Variants in FAF1 observed in about 807,000 individuals in gnomAD.
FAF1 encodes the protein Fas associated factor 1, also known as FAS-associated factor 1.
A neutral mutation model predicts 92.5 loss-of-function variants in FAF1; 25 were observed. The observed-to-expected ratio is 0.27, with a 90% CI of 0.20 to 0.38. The LOEUF (loss-of-function observed/expected upper bound fraction) is 0.38. Among genes scored for constraint, FAF1 ranks in the 10% least tolerant of loss-of-function variants. FAF1 has a pLI of 1.00. For synonymous variants in FAF1, 234 were observed against 273.2 expected (o/e 0.86, Z 1.42); for missense variants, 636 against 793.3 (o/e 0.80, Z 2.38).
At chr1:50,683,269 G>T (rs1656505894) in intron 7 of FAF1, among the ~76,000 whole-genome samples, 1 of 151,832 alleles carries the variant, frequency 6.6e-6, no homozygotes, top group Non-Finnish European at 1.5e-5. Flanking sequence ...GCTCACGCCT[G>T]TAATCCCAGC....
chr1:50,819,638 TCACACACACA>T (rs375892280), intron 2 of FAF1, among the ~76,000 whole-genome samples: 4 of 97,822 alleles, frequency 4.1e-5, no homozygotes, highest in Admixed American at 1.2e-4. Flanking sequence ...ACTGACTCAC[TCACACACACA>T]CACACACACA....
chr1:50,678,903 T>C (rs1448094969), intron 7 of FAF1, among the ~76,000 whole-genome samples: 1 of 148,354 alleles, frequency 6.7e-6, no homozygotes, highest in African/African-American at 2.5e-5. Flanking sequence ...CTGGCTAACA[T>C]GGTGAAACCC....
intron 8 of FAF1, among the ~76,000 whole-genome samples, chr1:50,649,675 C>T (rs915859358): frequency 6.6e-6 from 1 of 151,500 alleles, no homozygotes; most frequent in African/African-American, 2.4e-5. Flanking sequence ...GGGCACAGTG[C>T]CTCATGCCTG....
Position 50,596,138 on chromosome 1 carries a change from G to A in FAF1, c.823C>T (p.Arg275Trp), listed in dbSNP as rs148072719. ...VGRRSSPAQT[R>W]EQSEEQITDV... The stretch of plus-strand genomic sequence containing the variant: ...AGGCTTACTTCTTCCGACTGTTCCC[G>A]GGTCTGTGCAGGTGAAGATCTTCTT... The change falls in exon 9 of 19, where the codon CGG becomes TGG. Residue 275 changes from arginine (R) to tryptophan (W), a missense_variant. Coordinates refer to ENST00000396153, the MANE Select transcript of FAF1 (RefSeq NM_007051.3). 4,122 of 1,613,542 alleles carry A rather than the reference G, an allele frequency of 2.6e-3. 15 individuals are homozygous for A. The highest frequency in any genetic ancestry group is 2.8e-3 in the Non-Finnish European group (3,295 of 1,179,584).
At chr1:50,880,788 A>G (rs1186827400) in intron 1 of FAF1, among the ~76,000 whole-genome samples, 1 of 152,260 alleles carries the variant, frequency 6.6e-6, no homozygotes, top group African/African-American at 2.4e-5. Flanking sequence ...CAAAAAGAGA[A>G]TAAGTTTGAC....
intron 15 of FAF1, among the ~76,000 whole-genome samples, chr1:50,517,938 A>C (rs368823532): frequency 6.6e-6 from 1 of 152,350 alleles, no homozygotes; most frequent in African/African-American, 2.4e-5. Flanking sequence ...AAGTCCATTA[A>C]ATAAACTTAC....
chr1:50,840,496 A>G lies in FAF1; in HGVS notation c.114+17433T>C, dbSNP rs143181568. ...AGATGGCCAATAAGAACACAGGAAG[A>G]TTTATAAGGAATCTTTCTGTGACAA... On this transcript the variant is annotated intron_variant, in intron 2 of 18. Transcript: ENST00000396153. Among the ~76,000 whole-genome samples the G allele has an allele frequency of 5.6e-4, 85 of 152,162 alleles. 1 individual carries two copies. The East Asian group carries it at 0.015, about 27-fold the overall frequency.
chr1:50,860,341 T>A (rs1644422271), intron 1 of FAF1, among the ~76,000 whole-genome samples: 2 of 151,896 alleles, frequency 1.3e-5, no homozygotes, highest in African/African-American at 4.8e-5. Flanking sequence ...GGATAAAATA[T>A]TCACAAACTA....
At chr1:50,754,266 A>C (rs1659988136) in intron 4 of FAF1, among the ~76,000 whole-genome samples, 1 of 152,202 alleles carries the variant, frequency 6.6e-6, no homozygotes, top group Non-Finnish European at 1.5e-5. Context: ...CAGTTATGTT[A>C]CTTAGACACA....
At chr1:50,955,616 T>A (rs527540233) in intron 1 of FAF1, among the ~76,000 whole-genome samples, 1 of 152,224 alleles carries the variant, frequency 6.6e-6, no homozygotes, top group African/African-American at 2.4e-5. Context: ...GACTATGTGA[T>A]CCAGCAATTT....
intron 2 of FAF1, among the ~76,000 whole-genome samples, chr1:50,821,406 G>A (rs1644042047): frequency 6.6e-6 from 1 of 152,076 alleles, no homozygotes; most frequent in Admixed American, 6.5e-5. Context: ...ATAGTTTTTA[G>A]CATACATATT....
Position 50,959,944 on chromosome 1 carries a change from G to T in FAF1, c.-133C>A, listed in dbSNP as rs982165978. On this transcript the variant is annotated 5_prime_UTR_variant, in exon 1 of 19. Transcript: ENST00000396153. Reference sequence around the variant, plus strand: ...GGGGCTGGCGGGCGAGCCGGCGGGCGGGTCGGCGGGCCAGCGGGCGGGGCA... The same window carrying T: ...GGGGCTGGCGGGCGAGCCGGCGGGCTGGTCGGCGGGCCAGCGGGCGGGGCA... 2.4e-6 allele frequency: 1 copy of T among 416,196 alleles called. No individual in the cohort carries two copies. The highest frequency in any genetic ancestry group is 1.1e-4 in the South Asian group (1 of 9,424). 25.8% of individuals were successfully genotyped at this position (416,196 alleles called of 1,614,324 possible). A position where few individuals can be genotyped will look rare whatever the true frequency, so the allele number is the denominator to read the frequency against.
chr1:50,726,605 G>A (rs916961321), intron 6 of FAF1, among the ~76,000 whole-genome samples: 36 of 152,042 alleles, frequency 2.4e-4, no homozygotes, highest in African/African-American at 6.3e-4. Context: ...TGAGGTGGGC[G>A]GATCACAAGG....
chr1:50,467,841 TA>T (rs1557957312), intron 18 of FAF1, among the ~76,000 whole-genome samples: 1 of 152,090 alleles, frequency 6.6e-6, no homozygotes, highest in African/African-American at 2.4e-5. Context: ...TCTCACCTTT[TA>T]AAAAAAGCAG....
chr1:50,700,214 C>T (rs1193560763), intron 7 of FAF1, among the ~76,000 whole-genome samples: 2 of 141,630 alleles, frequency 1.4e-5, no homozygotes, highest in South Asian at 2.2e-4. Context: ...ACAGAGCAAG[C>T]GAGGAGGCTC....
intron 6 of FAF1, among the ~76,000 whole-genome samples, chr1:50,735,040 G>A (rs1372373316): frequency 6.6e-6 from 1 of 152,086 alleles, no homozygotes; most frequent in African/African-American, 2.4e-5. Context: ...AAGAACACCA[G>A]GAATGAGTTG....
At chr1:50,596,029 T>C (rs1230876337) in intron 9 of FAF1, 92 bp downstream of exon 9, 3 of 801,430 alleles carry the variant, frequency 3.7e-6, no homozygotes, top group Non-Finnish European at 6.3e-6. Flanking sequence ...ACTTTATCTG[T>C]TCATTGCTCT....
intron 8 of FAF1, among the ~76,000 whole-genome samples, chr1:50,615,329 T>C (rs555319600): frequency 2.6e-5 from 4 of 152,340 alleles, no homozygotes; most frequent in South Asian, 2.1e-4. Context: ...CTATTGTGAA[T>C]AGCACTGCAA....
chr1:50,844,058 T>TAA (rs1053685528), intron 2 of FAF1, among the ~76,000 whole-genome samples: 1 of 152,194 alleles, frequency 6.6e-6, no homozygotes, highest in African/African-American at 2.4e-5. Flanking sequence ...CTGTCTTTTT[T>TAA]ATAGTAGCCA....
Sources: allele counts gnomAD v4.1 joint callset (sites outside exome capture counted in the v4.1 genomes callset), GRCh38; gene constraint gnomAD v4.1.1; transcripts MANE v1.5; gene names NCBI Gene and HGNC (gene_info 2026-07-23, HGNC 2026-07-21).